The following DUSP10 variants were observed in gnomAD, a reference collection of about 807,000 sequenced individuals.
DUSP10 encodes dual specificity protein phosphatase 10.
In DUSP10, 14 loss-of-function variants were observed where a neutral mutation model predicts 30.8. The observed-to-expected ratio is 0.46, with a 90% CI of 0.30 to 0.71. DUSP10 has a LOEUF of 0.71. Ranked by LOEUF, DUSP10 falls within the 30% of genes least tolerant of loss-of-function variation. The pLI is 0.08. For missense variants in DUSP10, 550 were observed against 619.4 expected, an observed-to-expected ratio of 0.89 and a Z score of 1.19; for synonymous variants, 254 against 250.4, an observed-to-expected ratio of 1.01 and a Z score of -0.14.
At chr1:221,728,020 C>A (rs1046288414) in intron 2 of DUSP10, among the ~76,000 whole-genome samples, 9 of 152,190 alleles carry the variant, frequency 5.9e-5, no homozygotes, top group African/African-American at 2.2e-4. Flanking sequence ...ACCATAATTG[C>A]ATGGCCATTC....
At chr1:221,717,441 G>T (rs1249506967) in intron 2 of DUSP10, among the ~76,000 whole-genome samples, 1 of 141,694 alleles carries the variant, frequency 7.1e-6, no homozygotes, top group Non-Finnish European at 1.6e-5. Flanking sequence ...AGAAAAGAGG[G>T]GGGAGGGGAA....
chr1:221,736,170 C>T (rs973415571), intron 2 of DUSP10, among the ~76,000 whole-genome samples: 5 of 152,070 alleles, frequency 3.3e-5, no homozygotes, highest in Admixed American at 6.5e-5. Flanking sequence ...AGTTAGCAGC[C>T]GCTCTACTTG....
intron 2 of DUSP10, among the ~76,000 whole-genome samples, chr1:221,716,356 A>G (rs1661106722): frequency 6.6e-6 from 1 of 152,148 alleles, no homozygotes; most frequent in Non-Finnish European, 1.5e-5. Flanking sequence ...ACCTGAAGAC[A>G]GGTTGTGGGC....
intron 3 of DUSP10, among the ~76,000 whole-genome samples, chr1:221,703,998 C>T (rs1337684420): frequency 6.6e-6 from 1 of 152,180 alleles, no homozygotes; most frequent in East Asian, 1.9e-4. Flanking sequence ...TATTTAGCTC[C>T]AAGTCAAGAC....
intron 2 of DUSP10, among the ~76,000 whole-genome samples, chr1:221,719,639 A>G (rs1040674886): frequency 1.3e-5 from 2 of 152,200 alleles, no homozygotes; most frequent in Non-Finnish European, 2.9e-5. Flanking sequence ...GGTCAGTTCA[A>G]CCTGGGGCAC....
intron 1 of DUSP10, among the ~76,000 whole-genome samples, chr1:221,740,215 G>A (rs1298276354): frequency 6.6e-6 from 1 of 152,206 alleles, no homozygotes; most frequent in Non-Finnish European, 1.5e-5. Flanking sequence ...TTGCATGCTT[G>A]CCATTTAATT....
At chr1:221,722,807 A>C (rs1453267805) in intron 2 of DUSP10, among the ~76,000 whole-genome samples, 1 of 152,200 alleles carries the variant, frequency 6.6e-6, no homozygotes. Flanking sequence ...GACCACAGAC[A>C]AGAGGCAGTG....
At chr1:221,703,558 T>A (rs1231094079) in intron 3 of DUSP10, among the ~76,000 whole-genome samples, 1 of 152,210 alleles carries the variant, frequency 6.6e-6, no homozygotes, top group Non-Finnish European at 1.5e-5. Flanking sequence ...TCCCGTTTGC[T>A]TCCATGTATG....
At chr1:221,709,609 G>T (rs1660875942) in intron 2 of DUSP10, among the ~76,000 whole-genome samples, 1 of 152,220 alleles carries the variant, frequency 6.6e-6, no homozygotes, top group African/African-American at 2.4e-5. Context: ...TTTCCATAAG[G>T]CTTATGCACA....
In DUSP10 at chr1:221,739,215, C is replaced by A; in HGVS notation, c.530G>T (p.Cys177Phe). The change falls in exon 2 of 4, where the codon TGC (cysteine) becomes TTC (phenylalanine). Residue 177 changes from cysteine (C) to phenylalanine (F), a missense_variant. Physicochemically the swap from Cys to Phe is radical, Grantham distance 205 (BLOSUM62 -2). Transcript: ENST00000366899. ...CTTGTTGTACTCCATGAAGGGCCTG[C>A]AGTCAATGATGACAGGGCCCTGACT... ...LPSQGPVIID[C>F]RPFMEYNKSH... 1.2e-6 allele frequency: 2 copies of A among 1,614,176 alleles called. No individual in the cohort carries two copies. Among genetic ancestry groups the A allele is most frequent in the Non-Finnish European group, 1.7e-6 (2 of 1,180,042 alleles).
At position 221,739,512 on chromosome 1, in the gene DUSP10, G is replaced by A. The variant is rs1426847376; in HGVS notation, c.233C>T (p.Ala78Val). 5.6e-6 allele frequency: 9 copies of A among 1,614,170 alleles called. No individual in the cohort carries two copies. The highest frequency in any genetic ancestry group is 7.6e-6 in the Non-Finnish European group (9 of 1,180,030). The change falls in exon 2 of 4, where the codon GCC becomes GTC. Residue 78 changes from alanine to valine, a missense_variant. Physicochemically the swap from Ala to Val is moderately conservative, Grantham distance 64. Coordinates refer to ENST00000366899, the MANE Select transcript of DUSP10 (RefSeq NM_007207.6). ...GTAGGTTGCCACAGTGCAGCAGCTG[G>A]CACTGCTGCATCCACAATTCAGCGA... is the stretch of plus-strand genomic sequence containing the variant. ...ARSLNCGCSSASCCTVATYDK... is the reference protein window; with the variant it reads ...ARSLNCGCSSVSCCTVATYDK...
chr1:221,704,312 T>C (rs1324810256), intron 3 of DUSP10, among the ~76,000 whole-genome samples: 10 of 137,370 alleles, frequency 7.3e-5, no homozygotes, highest in Admixed American at 6.7e-4. Context: ...GGTTTTGTTT[T>C]CCTTAAAAAA....
intron 2 of DUSP10, among the ~76,000 whole-genome samples, chr1:221,735,625 T>A (rs1461195161): frequency 6.6e-6 from 1 of 152,252 alleles, no homozygotes; most frequent in Non-Finnish European, 1.5e-5. Context: ...GGTGTATGGA[T>A]GTTCATTACA....
rs140171107 is a variant in DUSP10, at chr1:221,702,430, G to A, written c.1431C>T (p.Gly477=). The part of the protein sequence containing the change: ...TPRILTPKLM[G]VETVV ...ACCATTGTCACACAACCGTCTCCAC[G>A]CCCATCAGCTTTGGTGTAAGGATTC... is the stretch of plus-strand genomic sequence containing the variant. Residue 477 remains glycine, a synonymous_variant, in exon 4 of 4, where the codon GGC becomes GGT. Coordinates refer to ENST00000366899, the MANE Select transcript of DUSP10 (RefSeq NM_007207.6). The surrounding 1 kb of genome is among the most constrained non-coding windows in gnomAD (Gnocchi z 4.5). 2.2e-5 allele frequency: 36 copies of A among 1,613,592 alleles called. No homozygotes were observed. The highest frequency in any genetic ancestry group is 3.0e-5 in the Non-Finnish European group (35 of 1,179,952).
At chr1:221,722,257 G>A (rs1280246162) in intron 2 of DUSP10, among the ~76,000 whole-genome samples, 1 of 152,178 alleles carries the variant, frequency 6.6e-6, no homozygotes, top group African/African-American at 2.4e-5. Context: ...GTAGAAAAAG[G>A]GCCTTGAAGC....
intron 2 of DUSP10, among the ~76,000 whole-genome samples, chr1:221,733,664 T>G (rs1190761152): frequency 6.6e-6 from 1 of 152,194 alleles, no homozygotes; most frequent in African/African-American, 2.4e-5. Context: ...GCCAGGTACT[T>G]TGTATCACCT....
chr1:221,717,813 G>C (rs1661152795), intron 2 of DUSP10, among the ~76,000 whole-genome samples: 1 of 152,092 alleles, frequency 6.6e-6, no homozygotes, highest in Admixed American at 6.5e-5. Flanking sequence ...CAACCATGCT[G>C]GCACCCCAAT....
intron 2 of DUSP10, among the ~76,000 whole-genome samples, chr1:221,712,896 C>G (rs1276421285): frequency 6.7e-6 from 1 of 149,834 alleles, no homozygotes; most frequent in Non-Finnish European, 1.5e-5. Flanking sequence ...CTTTCCATAA[C>G]TATAAAATAG....
chr1:221,735,024 G>T (rs561574643), intron 2 of DUSP10, among the ~76,000 whole-genome samples: 21 of 151,990 alleles, frequency 1.4e-4, no homozygotes, highest in Admixed American at 6.5e-5. Flanking sequence ...GTATATTTCA[G>T]AATTCTTTTC....
Sources: gnomAD v4.1 joint callset for allele counts (sites outside exome capture counted in the v4.1 genomes callset) on GRCh38, gnomAD v4.1.1 for gene constraint, Gnocchi (gnomAD v3.1) non-coding constraint, MANE v1.5 for transcripts, NCBI Gene and HGNC (gene_info 2026-07-23, HGNC 2026-07-21) for gene names.